The following ABTB2 variants were observed in gnomAD, a reference collection of about 807,000 sequenced individuals.
ABTB2 encodes the protein ankyrin repeat and BTB domain containing 2, also known as ankyrin repeat and BTB/POZ domain-containing protein 2.
ABTB2 carries 56 observed loss-of-function variants against 104.1 expected under a neutral mutation model. That is an observed-to-expected ratio of 0.54 (90% CI 0.43 to 0.67). ABTB2 has a LOEUF of 0.67. Among genes scored for constraint, ABTB2 ranks in the 30% least tolerant of loss-of-function variants. ABTB2 has a pLI of 0.00. For synonymous variants in ABTB2, 606 were observed against 608.2 expected (o/e 1.00, Z 0.05); for missense variants, 1,279 against 1,407.7 (o/e 0.91, Z 1.46).
At chr11:34,288,079 T>C (rs1854526688) in intron 1 of ABTB2, among the ~76,000 whole-genome samples, 1 of 151,918 alleles carries the variant, frequency 6.6e-6, no homozygotes, top group African/African-American at 2.4e-5. Flanking sequence ...CTCTAGCCAT[T>C]ATCTAAATTT....
chr11:34,276,836 C>T (rs7949506), intron 1 of ABTB2, among the ~76,000 whole-genome samples: 5,799 of 152,248 alleles, frequency 0.038, 135 homozygotes, highest in Middle Eastern at 0.14. Flanking sequence ...CAGGAGAATG[C>T]GAACCTGCAG....
intron 1 of ABTB2, among the ~76,000 whole-genome samples, chr11:34,228,599 C>T (rs1257981945): frequency 1.3e-5 from 2 of 151,468 alleles, no homozygotes; most frequent in African/African-American, 4.9e-5. Context: ...AGGCTAGTCT[C>T]GACATCCGAC....
chr11:34,254,256 A>AT (rs959352145), intron 1 of ABTB2, among the ~76,000 whole-genome samples: 32 of 150,798 alleles, frequency 2.1e-4, no homozygotes, highest in African/African-American at 7.1e-4. Context: ...AAGCTTTTTG[A>AT]TTTTTTTTTG....
In ABTB2 at chr11:34,173,289, C is replaced by A; in HGVS notation, c.1263G>T (p.Pro421=). Residue 421 remains proline, a synonymous_variant, in exon 4 of 17, where the codon CCG becomes CCT. Coordinates refer to ENST00000435224, the MANE Select transcript of ABTB2 (RefSeq NM_145804.3). ...LNNERPFMLL[P]PLMEWMRVAI... is the part of the protein sequence containing the mutation. The stretch of plus-strand genomic sequence containing the variant: ...CCACGCGCATCCACTCCATGAGGGG[C>A]GGCAGCAGCATGAAGGGCCTGTGGG... 3.1e-6 allele frequency: 5 copies of A among 1,600,422 alleles called. No individual in the cohort carries two copies. Among genetic ancestry groups the A allele is most frequent in the Non-Finnish European group, 3.4e-6 (4 of 1,173,610 alleles).
chr11:34,357,592 T>G lies in ABTB2; in HGVS notation c.-9A>C, dbSNP rs569432970. ...CTGTACGTCCCGGCCATGGGGAGCC[T>G]GCCGAGGGCGGCGTCGCCGAGCGAG... is the stretch of plus-strand genomic sequence containing the variant. On this transcript the variant is annotated 5_prime_UTR_variant, in exon 1 of 17. Transcript: ENST00000435224. 551 of 1,499,224 alleles carry G rather than the reference T, an allele frequency of 3.7e-4. 5 individuals carry two copies. In the South Asian group the frequency reaches 6.4e-3, roughly 17 times the overall value. 92.9% of individuals were successfully genotyped at this position (1,499,224 alleles called of 1,614,324 possible).
At chr11:34,152,642 C>T (rs1852561524) in intron 16 of ABTB2, 58 bp from the exon 17 acceptor site, 1 of 1,509,334 alleles carries the variant, frequency 6.6e-7, no homozygotes, top group African/African-American at 1.4e-5. Flanking sequence ...CCCACTCACC[C>T]TCACCCCCAA....
intron 8 of ABTB2, 96 bp from the exon 9 acceptor site, chr11:34,164,917 T>G: frequency 4.2e-6 from 6 of 1,434,028 alleles, no homozygotes; most frequent in African/African-American, 1.5e-5. Context: ...CTCGCAGCTC[T>G]GAGTGCTGGA....
chr11:34,250,348 A>G (rs929692481), intron 1 of ABTB2, among the ~76,000 whole-genome samples: 2 of 152,198 alleles, frequency 1.3e-5, no homozygotes, highest in Admixed American at 6.5e-5. Context: ...AGGGCCAGGG[A>G]ATCATCCCCA....
rs559498218 is a variant in ABTB2, at chr11:34,285,495, A to G, written c.883+71206T>C. Among the ~76,000 whole-genome samples, 6 of 152,288 alleles carry G rather than the reference A, an allele frequency of 3.9e-5. No individual in the cohort carries two copies. In the East Asian group the frequency reaches 1.2e-3, roughly 29 times the overall value. On this transcript the variant is annotated intron_variant, in intron 1 of 16. Coordinates refer to ENST00000435224, the MANE Select transcript of ABTB2 (RefSeq NM_145804.3). ...GCCTTCTTAACCACAAAGGTGCAGA[A>G]ATGGACAGTAATAACAAAAACACCT...
At chr11:34,213,738 A>T (rs1360713103) in intron 1 of ABTB2, among the ~76,000 whole-genome samples, 1 of 152,206 alleles carries the variant, frequency 6.6e-6, no homozygotes, top group African/African-American at 2.4e-5. Context: ...AGAGTATAAA[A>T]TAAAGCCAGT....
At chr11:34,158,343 G>A (rs1852658244) in intron 14 of ABTB2, among the ~76,000 whole-genome samples, 1 of 152,164 alleles carries the variant, frequency 6.6e-6, no homozygotes, top group African/African-American at 2.4e-5. Context: ...AACCCGGGAG[G>A]TGGAGCTTGC....
intron 2 of ABTB2, among the ~76,000 whole-genome samples, chr11:34,199,476 G>C (rs974417623): frequency 6.6e-6 from 1 of 152,184 alleles, no homozygotes; most frequent in African/African-American, 2.4e-5. Context: ...GGCTGGACCT[G>C]GGCATCTCTA....
chr11:34,311,835 G>A (rs756880614), intron 1 of ABTB2, among the ~76,000 whole-genome samples: 3 of 152,164 alleles, frequency 2.0e-5, no homozygotes, highest in East Asian at 1.9e-4. Context: ...CTAATGACCC[G>A]TTCATTCAGA....
chr11:34,345,462 T>C (rs560061322), intron 1 of ABTB2, among the ~76,000 whole-genome samples: 1 of 152,306 alleles, frequency 6.6e-6, no homozygotes, highest in South Asian at 2.1e-4. Context: ...CAATAAATAT[T>C]TGTTGGGTGA....
At chr11:34,295,749 C>T (rs1854615814) in intron 1 of ABTB2, among the ~76,000 whole-genome samples, 1 of 152,174 alleles carries the variant, frequency 6.6e-6, no homozygotes, top group African/African-American at 2.4e-5. Context: ...TGGCTGGGTT[C>T]TGGTGAGGGC....
At chr11:34,162,094 C>T (rs1041492399) in intron 10 of ABTB2, among the ~76,000 whole-genome samples, 2 of 152,178 alleles carry the variant, frequency 1.3e-5, no homozygotes, top group Admixed American at 6.5e-5. Context: ...GGAGAGAGGA[C>T]GTGGTATGCA....
intron 3 of ABTB2, among the ~76,000 whole-genome samples, chr11:34,178,396 C>T (rs1282617306): frequency 6.6e-6 from 1 of 152,200 alleles, no homozygotes; most frequent in Admixed American, 6.5e-5. Flanking sequence ...ATGGAGTCTG[C>T]TGGGCAGGCT....
rs746060353 is a variant in ABTB2 at position 34,161,076 on chromosome 11, G to T, written c.2224C>A (p.Pro742Thr). Residue 742 changes from proline (P) to threonine (T), a missense_variant, in exon 11 of 17, where the codon CCC becomes ACC. Transcript: ENST00000435224. Reference sequence around the variant, plus strand: ...TCGATCCAGATGTGCAGCTTCCAGGGGACTCCTGGTCCAGGCAGGGAAGGG... The same window carrying T: ...TCGATCCAGATGTGCAGCTTCCAGGTGACTCCTGGTCCAGGCAGGGAAGGG... ...ITMELRALGV[P>T]WKLHIWIESL... is the part of the protein sequence containing the mutation. The T allele has an allele frequency of 1.2e-6, 2 of 1,606,184 alleles. No individual in the cohort carries two copies. The highest frequency in any genetic ancestry group is 1.3e-5 in the African/African-American group (1 of 74,632).
In ABTB2 at chr11:34,208,021, C is replaced by G. The variant is rs540613551; in HGVS notation, c.884-3331G>C. Among the ~76,000 whole-genome samples, 8 of 152,358 alleles carry G rather than the reference C, an allele frequency of 5.3e-5. No individual in the cohort carries two copies. The East Asian group carries it at 1.5e-3, about 29-fold the overall frequency. On this transcript the variant is annotated intron_variant, in intron 1 of 16. Coordinates refer to ENST00000435224, the MANE Select transcript of ABTB2 (RefSeq NM_145804.3). ...GACTCCCTCTGATCTTTGCAGAACA[C>G]AGTTCCACAGCTTGTCTTCCAAGTC...
Sources: allele counts gnomAD v4.1 joint callset (sites outside exome capture counted in the v4.1 genomes callset), GRCh38; gene constraint gnomAD v4.1.1; transcripts MANE v1.5; gene names NCBI Gene and HGNC (gene_info 2026-07-23, HGNC 2026-07-21).